Variants in SLC9A7 observed in about 807,000 individuals in gnomAD.
SLC9A7 encodes sodium/hydrogen exchanger 7.
SLC9A7 carries 19 observed loss-of-function variants against 52.6 expected under a neutral mutation model. That is an observed-to-expected ratio of 0.36 (90% CI 0.25 to 0.53). The LOEUF (loss-of-function observed/expected upper bound fraction) is 0.53. Ranked by LOEUF, SLC9A7 falls within the 20% of genes least tolerant of loss-of-function variation. The pLI, the probability that SLC9A7 is intolerant of heterozygous loss-of-function variation, is 0.91. For synonymous variants in SLC9A7, 226 were observed against 252.1 expected (o/e 0.90, Z 0.98); for missense variants, 455 against 597.9 (o/e 0.76, Z 2.49).
At chrX:46,648,878 T>C (rs1943537034) in intron 10 of SLC9A7, 81 bp from the exon 11 acceptor site, 3 of 721,479 alleles carry the variant, frequency 4.2e-6, no homozygotes, top group African/African-American at 2.1e-5. Flanking sequence ...CAGAGAATTT[T>C]AGGAATGCTG....
chrX:46,631,993 G>A (rs758195072), intron 13 of SLC9A7, among the ~76,000 whole-genome samples: 1 of 111,856 alleles, frequency 8.9e-6, no homozygotes, highest in African/African-American at 3.2e-5. Flanking sequence ...CTTCCTTTGT[G>A]CTGCTTCCTC....
chrX:46,600,468 C>G lies in SLC9A7; in HGVS notation c.*6484G>C, dbSNP rs1231994462. On this transcript the variant is annotated 3_prime_UTR_variant, in exon 17 of 17. Transcript: ENST00000616978. ...CTTTGGACCTTTTCAAAGGGCAGCACAGCAGGCAGCCCTTCCTTCTCATCT... is the reference window on the plus strand; with the variant it reads ...CTTTGGACCTTTTCAAAGGGCAGCAGAGCAGGCAGCCCTTCCTTCTCATCT... The G allele has an allele frequency of 1.8e-5, 2 of 111,662 alleles. No individual in the cohort carries two copies. The highest frequency in any genetic ancestry group is 1.9e-4 in the Admixed American group (2 of 10,490). 9.2% of individuals were successfully genotyped at this position (111,662 alleles called of 1,213,427 possible).
chrX:46,735,831 G>A (rs947777244), intron 1 of SLC9A7, among the ~76,000 whole-genome samples: 1 of 111,359 alleles, frequency 9.0e-6, no homozygotes, highest in Non-Finnish European at 1.9e-5. Context: ...GTCTTTTACT[G>A]AAAAGTCTGC....
intron 1 of SLC9A7, among the ~76,000 whole-genome samples, chrX:46,716,806 A>AT (rs895893930): frequency 8.9e-6 from 1 of 111,767 alleles, no homozygotes; most frequent in African/African-American, 3.3e-5. Flanking sequence ...TTATTTATTT[A>AT]TTTTTTCCTG....
At chrX:46,673,513 G>A (rs1482825577) in intron 3 of SLC9A7, among the ~76,000 whole-genome samples, 4 of 111,891 alleles carry the variant, frequency 3.6e-5, no homozygotes, top group African/African-American at 1.3e-4. Context: ...GCCTCCTCAA[G>A]GCATAAGCCA....
chrX:46,630,472 G>A (rs1943204178), intron 14 of SLC9A7, among the ~76,000 whole-genome samples: 1 of 112,390 alleles, frequency 8.9e-6, no homozygotes, highest in Non-Finnish European at 1.9e-5. Context: ...GTTCCTGCAT[G>A]TGCCAGCCAC....
At chrX:46,703,284 G>A (rs1483544531) in intron 1 of SLC9A7, among the ~76,000 whole-genome samples, 1 of 111,504 alleles carries the variant, frequency 9.0e-6, no homozygotes. Context: ...GCCTACTTTT[G>A]GTTTTGTTGC....
chrX:46,696,057 C>A (rs2146903610), intron 1 of SLC9A7, among the ~76,000 whole-genome samples: 1 of 110,589 alleles, frequency 9.0e-6, no homozygotes, highest in African/African-American at 3.3e-5. Context: ...GCAATCTCGG[C>A]TCACTGAAAC....
intron 14 of SLC9A7, 82 bp downstream of exon 14, chrX:46,631,504 T>C (rs1350501802): frequency 8.0e-6 from 6 of 750,837 alleles, no homozygotes; most frequent in African/African-American, 2.1e-5. Flanking sequence ...CAGGATCACA[T>C]TGAGGGAATC....
chrX:46,645,618 CTTT>C (rs34064206), intron 11 of SLC9A7, among the ~76,000 whole-genome samples: 5 of 78,047 alleles, frequency 6.4e-5, no homozygotes, highest in African/African-American at 2.5e-4. Context: ...TCCCCACTCC[CTTT>C]TTTTTTTTTT....
At chrX:46,714,289 C>T (rs1944736302) in intron 1 of SLC9A7, among the ~76,000 whole-genome samples, 1 of 111,620 alleles carries the variant, frequency 9.0e-6, no homozygotes. Flanking sequence ...AGGATTCCAA[C>T]TTGCATACTT....
chrX:46,728,248 T>C (rs1311508193), intron 1 of SLC9A7, among the ~76,000 whole-genome samples: 1 of 111,706 alleles, frequency 9.0e-6, no homozygotes, highest in Non-Finnish European at 1.9e-5. Flanking sequence ...GTAGAAAATA[T>C]TGCATACTAC....
chrX:46,687,863 C>T (rs1339358143), intron 1 of SLC9A7, among the ~76,000 whole-genome samples: 1 of 111,971 alleles, frequency 8.9e-6, no homozygotes, highest in East Asian at 2.8e-4. Flanking sequence ...AATTCCCAGG[C>T]AACTACTAAT....
At chrX:46,679,581 T>C in intron 3 of SLC9A7, 97 bp downstream of exon 3, 3 of 640,152 alleles carry the variant, frequency 4.7e-6, no homozygotes, top group Non-Finnish European at 2.4e-6. Context: ...AACAAAGTAA[T>C]AAGCAATCTG....
At chrX:46,651,608 G>A (rs1055226939) in intron 8 of SLC9A7, among the ~76,000 whole-genome samples, 3 of 110,682 alleles carry the variant, frequency 2.7e-5, no homozygotes, top group African/African-American at 9.9e-5. Flanking sequence ...CAAGCAGATC[G>A]CTTGAACCCA....
At chrX:46,758,677 G>GGGC in intron 1 of SLC9A7, 28 bp downstream of exon 1, 12 of 1,070,564 alleles carry the variant, frequency 1.1e-5, no homozygotes, top group Non-Finnish European at 1.4e-5. Flanking sequence ...GGGGTGTGGA[G>GGGC]GGCGGGGGGT....
At chrX:46,690,888 T>C (rs1001761337) in intron 1 of SLC9A7, among the ~76,000 whole-genome samples, 10 of 111,676 alleles carry the variant, frequency 9.0e-5, no homozygotes, top group African/African-American at 3.3e-4. Flanking sequence ...ATTCTCTTGG[T>C]ACCTTTGCTG....
chrX:46,731,432 T>TATAAAAAAAAA (rs748259550), intron 1 of SLC9A7, among the ~76,000 whole-genome samples: 2 of 78,248 alleles, frequency 2.6e-5, no homozygotes, highest in East Asian at 7.7e-4. Context: ...TATAAAAAAT[T>TATAAAAAAAAA]AAAAAAAATT....
At position 46,615,516 on chromosome X, in the gene SLC9A7, C is replaced by T. The variant is rs554114748; in HGVS notation, c.1824-2122G>A. The stretch of plus-strand genomic sequence containing the variant: ...GCTCAGATCTGTAGAATGACAAATA[C>T]GCAGGAGGCCAGGGGAACTCAGAGA... On this transcript the variant is annotated intron_variant, in intron 15 of 16. Coordinates refer to ENST00000616978, the MANE Select transcript of SLC9A7 (RefSeq NM_001257291.2). Among the ~76,000 whole-genome samples the T allele has an allele frequency of 2.7e-4, 30 of 110,333 alleles. No homozygotes were observed. The South Asian group carries it at 8.9e-3, about 33-fold the overall frequency.
Sources: allele counts gnomAD v4.1 joint callset (sites outside exome capture counted in the v4.1 genomes callset), GRCh38; gene constraint gnomAD v4.1.1; transcripts MANE v1.5; gene names NCBI Gene and HGNC (gene_info 2026-07-23, HGNC 2026-07-21).